COPG2: variants seen among roughly 807,000 people sequenced by gnomAD.
COPG2 encodes coatomer subunit gamma-2.
Under a neutral mutation model 46.3 loss-of-function variants are expected in COPG2, and 37 were observed. The ratio of observed to expected loss-of-function variants is 0.80; its 90% CI spans 0.61 to 1.05. The LOEUF (loss-of-function observed/expected upper bound fraction) is 1.05, where lower values mean the gene tolerates loss of function less well. COPG2 is among the 50% of genes least tolerant of loss of function. The pLI, the probability that COPG2 is intolerant of heterozygous loss-of-function variation, is 0.00. For missense variants in COPG2, 427 were observed against 387.8 expected, an observed-to-expected ratio of 1.10 and a Z score of -0.85; for synonymous variants, 159 against 129.7, an observed-to-expected ratio of 1.23 and a Z score of -1.53.
Position 130,667,466 on chromosome 7 carries a change from T to C in COPG2, c.90+16A>G, listed in dbSNP as rs1796109896. ...AGAATAGAAAAGAAAGGGCACAAGA[T>C]ACTTCCCAGTCATACCTCCTGTAAA... On this transcript the variant is annotated intron_variant, in intron 2 of 23. Transcript: ENST00000425248. 6 of 1,609,776 alleles carry C rather than the reference T, an allele frequency of 3.7e-6. No individual in the cohort carries two copies. The highest frequency in any genetic ancestry group is 5.1e-6 in the Non-Finnish European group (6 of 1,176,376).
intron 3 of COPG2, among the ~76,000 whole-genome samples, chr7:130,663,719 GCATTT>G (rs1554461076): frequency 3.7e-4 from 51 of 138,418 alleles, no homozygotes; most frequent in Admixed American, 1.4e-3. Flanking sequence ...CTGAGATTTT[GCATTT>G]CTTTTCTTTT....
Position 130,506,808 on chromosome 7 carries a change from T to C in COPG2, c.2486-2A>G. The C allele has an allele frequency of 1.3e-6, 1 of 767,708 alleles. No homozygotes were observed. Among genetic ancestry groups the C allele is most frequent in the Non-Finnish European group, 2.4e-6 (1 of 413,528 alleles). 47.6% of individuals were successfully genotyped at this position (767,708 alleles called of 1,614,324 possible). Reference sequence around the variant, plus strand: ...AATCATAGCCACCTCTGAATATACCTGAGAGAAAAAAGTAAGGAAAACCAT... The same window carrying C: ...AATCATAGCCACCTCTGAATATACCCGAGAGAAAAAAGTAAGGAAAACCAT... On this transcript the variant is annotated splice_acceptor_variant, in intron 23 of 23. Coordinates refer to ENST00000425248, the MANE Select transcript of COPG2 (RefSeq NM_012133.6). LOFTEE classifies it high-confidence loss of function.
rs782681201 is a variant in COPG2 at position 130,506,680 on chromosome 7, C to G, written c.2612G>C (p.Gly871Ala). The G allele has an allele frequency of 1.3e-6, 1 of 779,386 alleles. No individual in the cohort carries two copies. Among genetic ancestry groups the G allele is most frequent in the South Asian group, 1.3e-5 (1 of 74,490 alleles). 48.3% of individuals were successfully genotyped at this position (779,386 alleles called of 1,614,324 possible). ...TPVDVILASV[G>A] is the part of the protein sequence containing the mutation. Reference sequence around the variant, plus strand: ...TTCCTCTTGTCCAGTAAGCATTTATCCAACAGAAGCTAAGATAACATCTAC... The same window carrying G: ...TTCCTCTTGTCCAGTAAGCATTTATGCAACAGAAGCTAAGATAACATCTAC... The change falls in exon 24 of 24, where the codon GGA becomes GCA. Residue 871 changes from glycine (G) to alanine (A), a missense_variant. Gly to Ala is a moderately conservative substitution (Grantham distance 60). Coordinates refer to ENST00000425248, the MANE Select transcript of COPG2 (RefSeq NM_012133.6).
chr7:130,652,583 T>C (rs1795769166), intron 5 of COPG2, among the ~76,000 whole-genome samples: 1 of 152,240 alleles, frequency 6.6e-6, no homozygotes, highest in African/African-American at 2.4e-5. Context: ...TTGTTGTAAA[T>C]ATTTTATTTC....
rs1401302098 is a variant in COPG2 at position 130,513,323 on chromosome 7, A to ATGTGTGTGTGTGTGTGTG, written c.2150-4665_2150-4664insCACACACACACACACACA. Among the ~76,000 whole-genome samples, 345 of 48,308 alleles carry ATGTGTGTGTGTGTGTGTG rather than the reference A, an allele frequency of 7.1e-3. 60 individuals carry two copies. The East Asian group carries it at 0.11, about 16-fold the overall frequency. The allele number at this position is 48,308 out of a possible 152,430, so 31.7% of individuals were successfully genotyped here. A position where few individuals can be genotyped will look rare whatever the true frequency, so the allele number is the denominator to read the frequency against. On this transcript the variant is annotated intron_variant, in intron 20 of 23. Coordinates refer to ENST00000425248, the MANE Select transcript of COPG2 (RefSeq NM_012133.6). ...AAAAAAAAAAAATATATATATATAT[A>ATGTGTGTGTGTGTGTGTG]TATATATATATATATATATGTGTGT...
At chr7:130,589,276 G>T (rs1167526171) in intron 9 of COPG2, among the ~76,000 whole-genome samples, 3 of 151,354 alleles carry the variant, frequency 2.0e-5, no homozygotes, top group African/African-American at 7.3e-5. Context: ...CACTGTACAG[G>T]TTTACTTTTT....
At position 130,595,452 on chromosome 7, in the gene COPG2, T is replaced by G. The variant is rs184607366; in HGVS notation, c.737+15501A>C. Among the ~76,000 whole-genome samples the G allele has an allele frequency of 1.1e-4, 17 of 152,342 alleles. No homozygotes were observed. In the East Asian group the frequency reaches 3.3e-3, roughly 29 times the overall value. On this transcript the variant is annotated intron_variant, in intron 9 of 23. Coordinates refer to ENST00000425248, the MANE Select transcript of COPG2 (RefSeq NM_012133.6). ...ATTAGTGGTGGTGGTTACATAGTTT[T>G]GTGAATATACTAAAAATTAACTATA...
intron 4 of COPG2, 56 bp from the exon 5 acceptor site, chr7:130,653,004 A>G: frequency 1.6e-6 from 2 of 1,242,226 alleles, no homozygotes; most frequent in East Asian, 2.5e-5. Flanking sequence ...GGTTTTTTAA[A>G]TTATTTGAAG....
chr7:130,554,063 G>C (rs1446045339), intron 14 of COPG2, among the ~76,000 whole-genome samples: 3 of 152,194 alleles, frequency 2.0e-5, no homozygotes, highest in African/African-American at 7.2e-5. Context: ...CGAGGGGAAG[G>C]AAAGTATAGA....
At chr7:130,544,928 A>G (rs1284493349) in intron 20 of COPG2, among the ~76,000 whole-genome samples, 3 of 152,062 alleles carry the variant, frequency 2.0e-5, no homozygotes, top group Admixed American at 2.0e-4. Flanking sequence ...GTTAAAGCAA[A>G]TTTTTTCAGA....
rs781891963 is a variant in COPG2 at position 130,617,020 on chromosome 7, C to G, written c.369G>C (p.Pro123=). The change falls in exon 6 of 24, where the codon CCG becomes CCC. Residue 123 remains proline, a synonymous_variant. Transcript: ENST00000425248. ...MTGKEDVYRG[P]AIRALCRITD... is the part of the protein sequence containing the mutation. ...TGATCCTGCAGAGAGCTCTGATGGC[C>G]GGGCCTCGGTATACATCTTCTTTTC... 6.2e-7 allele frequency: 1 copy of G among 1,611,096 alleles called. No individual in the cohort carries two copies. The highest frequency in any genetic ancestry group is 8.5e-7 in the Non-Finnish European group (1 of 1,178,284).
chr7:130,559,174 TG>T (rs1450771950), intron 12 of COPG2, among the ~76,000 whole-genome samples: 3 of 152,136 alleles, frequency 2.0e-5, no homozygotes, highest in African/African-American at 7.2e-5. Context: ...GCTAATATCC[TG>T]AATATACAAA....
At chr7:130,549,434 A>G (rs1180319102) in intron 17 of COPG2, 58 bp from the exon 18 acceptor site, 3 of 398,370 alleles carry the variant, frequency 7.5e-6, no homozygotes, top group Non-Finnish European at 8.9e-6. Context: ...CAAGCTAGCA[A>G]TGCAGACAGA....
At chr7:130,586,695 G>A (rs575297920) in intron 9 of COPG2, among the ~76,000 whole-genome samples, 129 of 151,888 alleles carry the variant, frequency 8.5e-4, no homozygotes, top group African/African-American at 1.3e-3. Context: ...ATCTCCTGAC[G>A]TCGTCATCTG....
chr7:130,543,164 T>G (rs1208186188), intron 20 of COPG2, among the ~76,000 whole-genome samples: 1 of 152,102 alleles, frequency 6.6e-6, no homozygotes, highest in African/African-American at 2.4e-5. Flanking sequence ...AATTTGCAAG[T>G]GTGGGGGTTG....
chr7:130,591,468 G>A (rs1270884825), intron 9 of COPG2, among the ~76,000 whole-genome samples: 1 of 75,158 alleles, frequency 1.3e-5, no homozygotes, highest in Non-Finnish European at 2.7e-5. Context: ...GTCCGGGAGG[G>A]AGGTGGGGGG....
intron 9 of COPG2, among the ~76,000 whole-genome samples, chr7:130,606,266 GAGAAAGAGAAAGAAAA>G (rs1794727173): frequency 6.8e-6 from 1 of 147,142 alleles, no homozygotes; most frequent in South Asian, 2.2e-4. Flanking sequence ...GAGAAAGAAA[GAGAAAGAGAAAGAAAA>G]AGAAAGAGAG....
intron 12 of COPG2, among the ~76,000 whole-genome samples, chr7:130,560,709 G>A (rs940912817): frequency 6.6e-6 from 1 of 152,090 alleles, no homozygotes; most frequent in East Asian, 1.9e-4. Flanking sequence ...ACTCCAACAG[G>A]GAAAAGGAAG....
intron 20 of COPG2, among the ~76,000 whole-genome samples, chr7:130,545,986 A>C (rs1420217120): frequency 6.6e-6 from 1 of 152,220 alleles, no homozygotes; most frequent in Non-Finnish European, 1.5e-5. Context: ...GGTGTGAGCC[A>C]CCTGAGTTAT....
Sources: gnomAD v4.1 joint callset for allele counts (sites outside exome capture counted in the v4.1 genomes callset) on GRCh38, gnomAD v4.1.1 for gene constraint, MANE v1.5 for transcripts, NCBI Gene and HGNC (gene_info 2026-07-23, HGNC 2026-07-21) for gene names.